CCDC88A: variants seen among roughly 807,000 people sequenced by gnomAD.
CCDC88A encodes coiled-coil and HOOK domain protein 88A.
CCDC88A carries 54 observed loss-of-function variants against 234.3 expected under a neutral mutation model. That is an observed-to-expected ratio of 0.23 (90% CI 0.19 to 0.29). The LOEUF is 0.29. Ranked by LOEUF, CCDC88A falls within the 10% of genes least tolerant of loss-of-function variation. The pLI, the probability that CCDC88A is intolerant of heterozygous loss-of-function variation, is 1.00. For synonymous variants in CCDC88A, 753 were observed against 737.8 expected, an observed-to-expected ratio of 1.02 and a Z score of -0.33; for missense variants, 1,832 against 2,123.4, an observed-to-expected ratio of 0.86 and a Z score of 2.70.
At chr2:55,343,243 T>C (rs1179188299) in intron 12 of CCDC88A, among the ~76,000 whole-genome samples, 1 of 152,150 alleles carries the variant, frequency 6.6e-6, no homozygotes, top group Non-Finnish European at 1.5e-5. Context: ...TATATTTTCC[T>C]CTGAAAATTT....
At position 55,363,945 on chromosome 2, in the gene CCDC88A, A is replaced by G; in HGVS notation, c.486+5T>C. The G allele has an allele frequency of 6.5e-7, 1 of 1,542,132 alleles. No homozygotes were observed. The highest frequency in any genetic ancestry group is 8.9e-7 in the Non-Finnish European group (1 of 1,120,444). ...TAGCACGTAAAATTGTATATATGTCATTACCTCTTGAATATGTGCGGCAAC... is the reference window on the plus strand; with the variant it reads ...TAGCACGTAAAATTGTATATATGTCGTTACCTCTTGAATATGTGCGGCAAC... On this transcript the variant is annotated splice_donor_5th_base_variant and intron_variant, in intron 6 of 32. Transcript: ENST00000436346.
chr2:55,400,932 T>A (rs759933140), intron 2 of CCDC88A, among the ~76,000 whole-genome samples: 1 of 152,208 alleles, frequency 6.6e-6, no homozygotes, highest in Non-Finnish European at 1.5e-5. Flanking sequence ...CTATGATACA[T>A]CTGAAATAAC....
chr2:55,387,779 C>CATAAAA (rs1675916176), intron 3 of CCDC88A, among the ~76,000 whole-genome samples: 1 of 64,852 alleles, frequency 1.5e-5, no homozygotes, highest in Admixed American at 2.0e-4. Flanking sequence ...GGCTCCATCT[C>CATAAAA]AAAAAAAAAA....
Position 55,334,914 on chromosome 2 carries a change from T to A in CCDC88A, c.1907A>T (p.His636Leu), listed in dbSNP as rs373145547. 1 of 1,518,166 alleles carries A rather than the reference T, an allele frequency of 6.6e-7. No individual in the cohort carries two copies. 94.0% of individuals were successfully genotyped at this position (1,518,166 alleles called of 1,614,324 possible). A position where few individuals can be genotyped will look rare whatever the true frequency, so the allele number is the denominator to read the frequency against. ...TAATAATTCATTTTCTTTTTCAAGA[T>A]GATGCAATTCATTTTCAAGTTCTTC... ...RAEELENELH[H>L]LEKENELLQK... is the part of the protein sequence containing the mutation. Residue 636 changes from histidine (H) to leucine (L), a missense_variant, in exon 15 of 33, where the codon CAT (histidine) becomes CTT (leucine). Physicochemically the swap from His to Leu is moderately conservative, Grantham distance 99 (BLOSUM62 -3). Coordinates refer to ENST00000436346, the MANE Select transcript of CCDC88A (RefSeq NM_001365480.1). This position sits in a 1 kb window ranked among gnomAD's most constrained non-coding sequence, Gnocchi z 6.1.
chr2:55,295,149 G>A (rs1411179102), intron 31 of CCDC88A: 3 of 1,306,726 alleles, frequency 2.3e-6, no homozygotes, highest in Non-Finnish European at 3.0e-6. Context: ...ATAGAGGCAT[G>A]CAGAAGTGAC....
chr2:55,402,965 C>T (rs540523623), intron 2 of CCDC88A, among the ~76,000 whole-genome samples: 6 of 151,834 alleles, frequency 4.0e-5, no homozygotes, highest in South Asian at 2.1e-4. Flanking sequence ...GCCGAGATCA[C>T]GCCACTGCAC....
At chr2:55,314,984 T>C (rs1277544026) in intron 22 of CCDC88A, 1 of 152,252 alleles carries the variant, frequency 6.6e-6, no homozygotes, top group Non-Finnish European at 1.5e-5. Context: ...TAGCCAGGGA[T>C]GCATAGATAG....
chr2:55,326,170 CT>C (rs70949102), intron 17 of CCDC88A, among the ~76,000 whole-genome samples: 69,086 of 147,298 alleles, frequency 0.47, 17,082 homozygotes, highest in East Asian at 0.85. Context: ...CCTGTTTCTT[CT>C]TTTTTTTTTT....
Position 55,302,044 on chromosome 2 carries a change from G to C in CCDC88A, c.4500C>G (p.Val1500=). 1 of 1,614,090 alleles carries C rather than the reference G, an allele frequency of 6.2e-7. No homozygotes were observed. Among genetic ancestry groups the C allele is most frequent in the Non-Finnish European group, 8.5e-7 (1 of 1,179,940 alleles). The change falls in exon 27 of 33, where the codon GTC becomes GTG. Residue 1500 remains valine (V), a synonymous_variant. Coordinates refer to ENST00000436346, the MANE Select transcript of CCDC88A (RefSeq NM_001365480.1). ...MSMNDLVQSM[V]LAGQWTGSTE... ...TACTACCTGTCCACTGTCCTGCTAG[G>C]ACCATGGACTGCACCAGGTCATTCA...
At position 55,309,005 on chromosome 2, in the gene CCDC88A, A is replaced by C. The variant is rs201290298; in HGVS notation, c.4191T>G (p.Thr1397=). The change falls in exon 25 of 33, where the codon ACT becomes ACG. Residue 1397 remains threonine (T), a synonymous_variant. Coordinates refer to ENST00000436346, the MANE Select transcript of CCDC88A (RefSeq NM_001365480.1). This position sits in a 1 kb window ranked among gnomAD's most constrained non-coding sequence, Gnocchi z 5.1. The part of the protein sequence containing the change: ...SPPRRRGNWI[T]LKMRKLIKSK... ...ACTTTATCAATTTTCTCATTTTTAG[A>C]GTAATCCAGTTGCCTCTCCTAACAG... 1.3e-4 allele frequency: 206 copies of C among 1,612,970 alleles called. No homozygotes were observed. The highest frequency in any genetic ancestry group is 1.7e-4 in the Non-Finnish European group (198 of 1,179,130).
At chr2:55,409,955 G>T (rs1019638520) in intron 2 of CCDC88A, among the ~76,000 whole-genome samples, 1 of 151,884 alleles carries the variant, frequency 6.6e-6, no homozygotes, top group Admixed American at 6.6e-5. Flanking sequence ...TGGCCAGGCT[G>T]ATCTTGAACT....
At chr2:55,408,872 G>T (rs75176407) in intron 2 of CCDC88A, among the ~76,000 whole-genome samples, 2 of 152,120 alleles carry the variant, frequency 1.3e-5, no homozygotes, top group African/African-American at 4.8e-5. Context: ...TACTCTGTAA[G>T]TTCCTCCTGA....
At chr2:55,386,421 G>C (rs1171692541) in intron 3 of CCDC88A, among the ~76,000 whole-genome samples, 4 of 142,360 alleles carry the variant, frequency 2.8e-5, no homozygotes, top group Non-Finnish European at 6.1e-5. Context: ...GCAACATAGT[G>C]AGACTCTGTC....
At chr2:55,327,819 T>A (rs1401285258) in intron 17 of CCDC88A, among the ~76,000 whole-genome samples, 1 of 152,224 alleles carries the variant, frequency 6.6e-6, no homozygotes, top group Non-Finnish European at 1.5e-5. Flanking sequence ...CTGAATACTT[T>A]CAAATATCAC....
intron 25 of CCDC88A, among the ~76,000 whole-genome samples, chr2:55,303,685 G>A (rs1681174857): frequency 6.6e-6 from 1 of 152,022 alleles, no homozygotes. Context: ...CCGGCCTGAG[G>A]AACATATACT....
At chr2:55,381,083 C>T (rs1674505782) in intron 3 of CCDC88A, among the ~76,000 whole-genome samples, 1 of 152,130 alleles carries the variant, frequency 6.6e-6, no homozygotes, top group Admixed American at 6.6e-5. Context: ...TGCACAAATA[C>T]CATTGTGTTA....
intron 2 of CCDC88A, among the ~76,000 whole-genome samples, chr2:55,397,789 G>A (rs999236662): frequency 6.6e-6 from 1 of 152,058 alleles, no homozygotes; most frequent in Non-Finnish European, 1.5e-5. Context: ...TACAGTCGCT[G>A]CATACAGCTC....
At chr2:55,302,936 C>T in intron 26 of CCDC88A, 133 bp downstream of exon 26, 1 of 608,656 alleles carries the variant, frequency 1.6e-6, no homozygotes, top group South Asian at 2.1e-5. Flanking sequence ...ATTCTTCTAG[C>T]TCCTTATATT....
intron 31 of CCDC88A, chr2:55,294,583 T>C (rs1679801634): frequency 2.0e-6 from 2 of 985,702 alleles, no homozygotes; most frequent in Non-Finnish European, 2.4e-6. Flanking sequence ...ATACTGTACA[T>C]ATGTAATATA....
Sources: gnomAD v4.1 joint callset for allele counts (sites outside exome capture counted in the v4.1 genomes callset) on GRCh38, gnomAD v4.1.1 for gene constraint, Gnocchi (gnomAD v3.1) non-coding constraint, MANE v1.5 for transcripts, NCBI Gene and HGNC (gene_info 2026-07-23, HGNC 2026-07-21) for gene names.